RTKN2: variants seen among roughly 807,000 people sequenced by gnomAD.
RTKN2 encodes rhotekin-2.
A neutral mutation model predicts 71.5 loss-of-function variants in RTKN2; 69 were observed. That is an observed-to-expected ratio of 0.96 (90% confidence interval 0.79 to 1.18). The LOEUF (loss-of-function observed/expected upper bound fraction) is 1.18, where lower values mean the gene tolerates loss of function less well. RTKN2 is among the 50% of genes most tolerant of loss of function. The probability of loss-of-function intolerance (pLI) is 0.00; values close to 1 mark genes in which losing one functional copy is unlikely to be tolerated. For synonymous variants in RTKN2, 236 were observed against 236.5 expected (o/e 1.00, Z 0.02); for missense variants, 724 against 719.7 (o/e 1.01, Z -0.07).
intron 7 of RTKN2, among the ~76,000 whole-genome samples, chr10:62,219,290 G>A (rs1589350797): frequency 6.6e-6 from 1 of 152,280 alleles, no homozygotes; most frequent in East Asian, 1.9e-4. Flanking sequence ...TTGGGACTCT[G>A]TCTTGAGCAA....
At chr10:62,258,505 G>A (rs1020466707) in intron 2 of RTKN2, among the ~76,000 whole-genome samples, 1 of 152,014 alleles carries the variant, frequency 6.6e-6, no homozygotes, top group African/African-American at 2.4e-5. Context: ...TTCTATGTCT[G>A]CCTATTCTTA....
At chr10:62,185,484 C>T (rs189120932) in intron 8 of RTKN2, among the ~76,000 whole-genome samples, 33 of 152,096 alleles carry the variant, frequency 2.2e-4, no homozygotes, top group African/African-American at 7.5e-4. Flanking sequence ...GGTGTGGTGG[C>T]GGGCACCTGT....
At chr10:62,252,855 G>A (rs569621390) in intron 2 of RTKN2, among the ~76,000 whole-genome samples, 24 of 151,846 alleles carry the variant, frequency 1.6e-4, no homozygotes, top group South Asian at 1.5e-3. Flanking sequence ...TATAGTTATC[G>A]GTATATAAAG....
chr10:62,212,718 C>A (rs1008390513), intron 9 of RTKN2, among the ~76,000 whole-genome samples: 2 of 151,798 alleles, frequency 1.3e-5, no homozygotes, highest in African/African-American at 4.8e-5. Flanking sequence ...AACAAACAAA[C>A]AAAAAACCAA....
rs1363773723 is a variant in RTKN2, at chr10:62,268,725, C to T, written c.-115G>A. 4 of 1,118,536 alleles carry T rather than the reference C, an allele frequency of 3.6e-6. No individual in the cohort carries two copies. The highest frequency in any genetic ancestry group is 5.1e-6 in the Non-Finnish European group (4 of 787,502). 69.3% of individuals were successfully genotyped at this position (1,118,536 alleles called of 1,614,324 possible). On this transcript the variant is annotated 5_prime_UTR_variant, in exon 1 of 12. Transcript: ENST00000373789. ...CCGCCCGGCCGTACCAAGTCCCAGT[C>T]GCAGGGGCCGGGGGCGCAGGAGGAG...
intron 9 of RTKN2, among the ~76,000 whole-genome samples, chr10:62,213,458 C>T (rs183679726): frequency 6.2e-4 from 95 of 152,170 alleles, no homozygotes; most frequent in African/African-American, 2.0e-3. Context: ...GAAGAATTGT[C>T]GAGGATGCAT....
At chr10:62,225,759 T>A (rs1290875193) in intron 6 of RTKN2, among the ~76,000 whole-genome samples, 1 of 152,046 alleles carries the variant, frequency 6.6e-6, no homozygotes, top group East Asian at 1.9e-4. Flanking sequence ...TGAATTTATG[T>A]TCAGTAACAA....
At chr10:62,184,048 C>T (rs1047499136) in exon 9 of RTKN2, 3 of 333,700 alleles carry the variant, frequency 9.0e-6, no homozygotes, top group Non-Finnish European at 1.6e-5. Context: ...TTACCAAAGT[C>T]ATGTACTAAT....
chr10:62,217,162 T>C lies in RTKN2; in HGVS notation c.976A>G (p.Ile326Val), dbSNP rs967258455. The C allele has an allele frequency of 3.8e-6, 6 of 1,596,792 alleles. No homozygotes were observed. Among genetic ancestry groups the C allele is most frequent in the Non-Finnish European group, 5.1e-6 (6 of 1,172,130 alleles). Residue 326 changes from isoleucine to valine, a missense_variant, in exon 9 of 12, where the codon ATT becomes GTT. Transcript: ENST00000373789. ...KLYCFYSPEE[I>V]EAKVEPALVV... ...AAAGCTGGTTCCACTTTAGCTTCAA[T>C]TTCCTCTGGACTGTAAAAACAATAG...
At chr10:62,220,349 CAAAT>C (rs957962409) in intron 7 of RTKN2, among the ~76,000 whole-genome samples, 3 of 152,046 alleles carry the variant, frequency 2.0e-5, no homozygotes, top group Admixed American at 1.3e-4. Context: ...AATGCAAACA[CAAAT>C]AAACAAAAGT....
chr10:62,213,551 T>C (rs1048649866), intron 9 of RTKN2, among the ~76,000 whole-genome samples: 3 of 152,140 alleles, frequency 2.0e-5, no homozygotes, highest in African/African-American at 7.2e-5. Context: ...GACTGAATAT[T>C]AGGTGACATA....
intron 9 of RTKN2, among the ~76,000 whole-genome samples, chr10:62,211,982 A>G (rs544991109): frequency 6.6e-6 from 1 of 152,134 alleles, no homozygotes; most frequent in East Asian, 1.9e-4. Context: ...CTATTCTTAA[A>G]AGTTTTACTT....
rs909645132 is a variant in RTKN2 at position 62,196,564 on chromosome 10, T to G, written c.*1344A>C. On this transcript the variant is annotated 3_prime_UTR_variant, in exon 12 of 12. Coordinates refer to ENST00000373789, the MANE Select transcript of RTKN2 (RefSeq NM_145307.4). ...TGGTTTTTTGGTCAAGTGTTCATTT[T>G]GTTTTGTAATAATGTAGTTCTGATC... The G allele has an allele frequency of 3.7e-5, 36 of 985,406 alleles. No individual in the cohort carries two copies. Among genetic ancestry groups the G allele is most frequent in the Non-Finnish European group, 4.1e-5 (34 of 829,878 alleles). 61.0% of individuals were successfully genotyped at this position (985,406 alleles called of 1,614,324 possible).
chr10:62,239,804 G>A (rs1209455456), intron 4 of RTKN2, 39 bp from the exon 5 acceptor site: 2 of 942,952 alleles, frequency 2.1e-6, no homozygotes, highest in African/African-American at 1.7e-5. Flanking sequence ...AACAATCCAT[G>A]TAATAAATCA....
chr10:62,243,294 T>C (rs554288594), intron 3 of RTKN2, among the ~76,000 whole-genome samples: 1 of 152,242 alleles, frequency 6.6e-6, no homozygotes, highest in African/African-American at 2.4e-5. Context: ...TATATTGGCA[T>C]AACAGACATT....
intron 8 of RTKN2, among the ~76,000 whole-genome samples, chr10:62,187,515 A>C (rs182460558): frequency 5.1e-4 from 77 of 152,306 alleles, no homozygotes; most frequent in African/African-American, 1.8e-3. Flanking sequence ...TCACCTTAAG[A>C]TGTCACAGGT....
intron 6 of RTKN2, among the ~76,000 whole-genome samples, chr10:62,232,675 G>C (rs1379274618): frequency 2.0e-5 from 3 of 151,680 alleles, no homozygotes; most frequent in Admixed American, 6.6e-5. Context: ...AAAAAATGTG[G>C]CTACATTTTA....
intron 2 of RTKN2, among the ~76,000 whole-genome samples, chr10:62,252,517 T>C (rs932334468): frequency 2.0e-5 from 3 of 152,002 alleles, no homozygotes; most frequent in Non-Finnish European, 2.9e-5. Context: ...CCTATTTAAT[T>C]GCATATCAAA....
intron 2 of RTKN2, among the ~76,000 whole-genome samples, chr10:62,251,206 T>C (rs1168906324): frequency 6.6e-6 from 1 of 152,204 alleles, no homozygotes; most frequent in Non-Finnish European, 1.5e-5. Context: ...TCACCTCACA[T>C]CATCACAAAA....
Sources: gnomAD v4.1 joint callset for allele counts (sites outside exome capture counted in the v4.1 genomes callset) on GRCh38, gnomAD v4.1.1 for gene constraint, MANE v1.5 for transcripts, NCBI Gene and HGNC (gene_info 2026-07-23, HGNC 2026-07-21) for gene names.